The following FAT3 variants were observed in gnomAD, a reference collection of about 807,000 sequenced individuals.
FAT3 encodes the protein protocadherin Fat 3.
FAT3 carries 95 observed loss-of-function variants against 310.2 expected under a neutral mutation model. The observed-to-expected ratio is 0.31, with a 90% CI of 0.26 to 0.36. FAT3 has a LOEUF of 0.36. Among genes scored for constraint, FAT3 ranks in the 10% least tolerant of loss-of-function variants. The pLI, the probability that FAT3 is intolerant of heterozygous loss-of-function variation, is 1.00. For synonymous variants in FAT3, 2,314 were observed against 2,192.9 expected, an observed-to-expected ratio of 1.06 and a Z score of -1.54; for missense variants, 5,408 against 5,715.6, an observed-to-expected ratio of 0.95 and a Z score of 1.74.
chr11:92,557,757 G>A (rs1256161478), intron 3 of FAT3, among the ~76,000 whole-genome samples: 1 of 152,182 alleles, frequency 6.6e-6, no homozygotes, highest in Non-Finnish European at 1.5e-5. Flanking sequence ...ATGTGGAAGG[G>A]AGGAAAATGA....
chr11:92,300,847 A>G (rs948756975), intron 1 of FAT3, among the ~76,000 whole-genome samples: 1 of 152,130 alleles, frequency 6.6e-6, no homozygotes, highest in Non-Finnish European at 1.5e-5. Flanking sequence ...TTTCCGGTCT[A>G]ACACACCTTT....
intron 18 of FAT3, 73 bp downstream of exon 18, chr11:92,840,832 T>A: frequency 7.2e-7 from 1 of 1,384,600 alleles, no homozygotes; most frequent in Non-Finnish European, 9.6e-7. Context: ...TTTGGTGGAT[T>A]TTTTTCTTTG....
At chr11:92,803,373 G>T (rs977647432) in intron 10 of FAT3, among the ~76,000 whole-genome samples, 2 of 152,150 alleles carry the variant, frequency 1.3e-5, no homozygotes, top group African/African-American at 4.8e-5. Flanking sequence ...ACACAACTTG[G>T]CTGTGCTGCC....
chr11:92,477,305 C>G (rs1952075254), intron 2 of FAT3, among the ~76,000 whole-genome samples: 1 of 152,174 alleles, frequency 6.6e-6, no homozygotes, highest in Non-Finnish European at 1.5e-5. Context: ...TCCACGGCCT[C>G]CTGCTTTGTG....
At chr11:92,651,801 C>T (rs960634885) in intron 3 of FAT3, among the ~76,000 whole-genome samples, 1 of 152,128 alleles carries the variant, frequency 6.6e-6, no homozygotes, top group Non-Finnish European at 1.5e-5. Flanking sequence ...CTCTGTTAGA[C>T]CATGCCAAAG....
intron 4 of FAT3, among the ~76,000 whole-genome samples, chr11:92,700,417 G>T (rs1296040715): frequency 6.6e-6 from 1 of 152,090 alleles, no homozygotes; most frequent in Admixed American, 6.5e-5. Flanking sequence ...AGTGATGGCG[G>T]GCTGCCCTGC....
At chr11:92,706,033 G>A (rs1182364138) in intron 4 of FAT3, among the ~76,000 whole-genome samples, 14 of 151,632 alleles carry the variant, frequency 9.2e-5, no homozygotes, top group Admixed American at 9.2e-4. Flanking sequence ...GACTATAGTG[G>A]TGGCAGTGGT....
At chr11:92,653,261 A>T (rs1016916630) in intron 3 of FAT3, among the ~76,000 whole-genome samples, 2 of 152,082 alleles carry the variant, frequency 1.3e-5, no homozygotes, top group Admixed American at 1.3e-4. Context: ...TCGGTATCCA[A>T]TTAAAATGTT....
intron 2 of FAT3, among the ~76,000 whole-genome samples, chr11:92,410,997 G>A (rs933724051): frequency 3.4e-5 from 5 of 148,722 alleles, no homozygotes; most frequent in Non-Finnish European, 5.9e-5. Flanking sequence ...TACATCAAAG[G>A]TCTTAAAGGT....
At chr11:92,424,548 GGAC>G (rs1371423272) in intron 2 of FAT3, among the ~76,000 whole-genome samples, 1 of 152,104 alleles carries the variant, frequency 6.6e-6, no homozygotes, top group Non-Finnish European at 1.5e-5. Flanking sequence ...GAAGCTGCAA[GGAC>G]TGACCACTGA....
chr11:92,333,832 C>A (rs1047643516), intron 1 of FAT3, among the ~76,000 whole-genome samples: 1 of 151,822 alleles, frequency 6.6e-6, no homozygotes, highest in African/African-American at 2.4e-5. Context: ...ACAGGAGCTA[C>A]AAAGCATTTA....
At chr11:92,876,120 A>C (rs1286349964) in intron 22 of FAT3, among the ~76,000 whole-genome samples, 1 of 152,174 alleles carries the variant, frequency 6.6e-6, no homozygotes, top group Non-Finnish European at 1.5e-5. Context: ...GAGGAGCTGG[A>C]GAGGGAGTTT....
rs1345415653 is a variant in FAT3 at position 92,412,721 on chromosome 11, AT to A, written c.3292+57318del. Reference sequence around the variant, plus strand: ...GGTGGTGATATATATATATATATATATATATATATATATATATATATATAAA... The same window carrying A: ...GGTGGTGATATATATATATATATATAATATATATATATATATATATATAAA... On this transcript the variant is annotated intron_variant, in intron 2 of 27. Transcript: ENST00000525166. Among the ~76,000 whole-genome samples, 125 of 31,486 alleles carry A rather than the reference AT, an allele frequency of 4.0e-3. 12 individuals are homozygous for A. The highest frequency in any genetic ancestry group is 9.8e-3 in the African/African-American group (119 of 12,186). 20.7% of individuals were successfully genotyped at this position (31,486 alleles called of 152,430 possible).
intron 2 of FAT3, among the ~76,000 whole-genome samples, chr11:92,432,269 G>T (rs1025681855): frequency 6.6e-6 from 1 of 152,138 alleles, no homozygotes. Flanking sequence ...AATTGTGAAT[G>T]GGAGTTCACT....
chr11:92,226,534 C>T lies in FAT3; in HGVS notation c.-18+1360C>T, dbSNP rs898132531. ...TGCTCCCGGGGTGTGGGTGTGCTGG[C>T]GGTGACATCCTGAGGCTGCAGCTCG... On this transcript the variant is annotated intron_variant, in intron 1 of 27. Coordinates refer to ENST00000525166, the MANE Select transcript of FAT3 (RefSeq NM_001367949.2). Among the ~76,000 whole-genome samples the T allele has an allele frequency of 3.3e-5, 5 of 151,866 alleles. No individual in the cohort carries two copies. In the East Asian group the frequency reaches 5.9e-4, roughly 18 times the overall value.
At chr11:92,552,961 TAAAAG>T (rs1259018147) in intron 3 of FAT3, among the ~76,000 whole-genome samples, 2 of 67,024 alleles carry the variant, frequency 3.0e-5, no homozygotes, top group Non-Finnish European at 7.6e-5. Context: ...CAAAAAAAAA[TAAAAG>T]AAAAGAAAAA....
chr11:92,568,587 T>C (rs549385926), intron 3 of FAT3, among the ~76,000 whole-genome samples: 42 of 152,302 alleles, frequency 2.8e-4, no homozygotes, highest in African/African-American at 9.6e-4. Flanking sequence ...AGACTGATTA[T>C]AATGTAGTCC....
At chr11:92,533,274 C>T (rs1954140922) in intron 3 of FAT3, among the ~76,000 whole-genome samples, 2 of 152,104 alleles carry the variant, frequency 1.3e-5, no homozygotes, top group Admixed American at 6.6e-5. Flanking sequence ...GCAATCCTCC[C>T]ATCTTCCCAT....
At chr11:92,495,802 G>GT (rs760998285) in intron 2 of FAT3, among the ~76,000 whole-genome samples, 2 of 152,026 alleles carry the variant, frequency 1.3e-5, no homozygotes, top group African/African-American at 4.8e-5. Context: ...ACAGTGTACT[G>GT]TTTTTTCAGA....
Sources: gnomAD v4.1 joint callset for allele counts (sites outside exome capture counted in the v4.1 genomes callset) on GRCh38, gnomAD v4.1.1 for gene constraint, MANE v1.5 for transcripts, NCBI Gene and HGNC (gene_info 2026-07-23, HGNC 2026-07-21) for gene names.